The following RSRC1 variants were observed in gnomAD, a reference collection of about 807,000 sequenced individuals.
RSRC1 encodes the protein arginine and serine rich coiled-coil 1.
In RSRC1, 39 loss-of-function variants were observed where a neutral mutation model predicts 49.1. That is an observed-to-expected ratio of 0.79 (90% CI 0.61 to 1.04). The LOEUF (loss-of-function observed/expected upper bound fraction) is 1.04. Among genes scored for constraint, RSRC1 ranks in the 50% least tolerant of loss-of-function variants. RSRC1 has a pLI of 0.00. For synonymous variants in RSRC1, 143 were observed against 130.8 expected, an observed-to-expected ratio of 1.09 and a Z score of -0.63; for missense variants, 388 against 402.4, an observed-to-expected ratio of 0.96 and a Z score of 0.31.
chr3:158,325,504 G>A (rs1208218808), intron 5 of RSRC1, among the ~76,000 whole-genome samples: 2 of 152,098 alleles, frequency 1.3e-5, no homozygotes, highest in Non-Finnish European at 2.9e-5. Context: ...CTCATTGCTT[G>A]TTTTTGTCAG....
chr3:158,112,373 T>G (rs1388025828), intron 1 of RSRC1, among the ~76,000 whole-genome samples: 4 of 152,208 alleles, frequency 2.6e-5, no homozygotes, highest in African/African-American at 9.6e-5. Flanking sequence ...ATTATGGAAA[T>G]CCAGGGGTAA....
chr3:158,167,793 C>T (rs535575019), intron 3 of RSRC1, among the ~76,000 whole-genome samples: 15 of 152,246 alleles, frequency 9.9e-5, no homozygotes, highest in South Asian at 2.1e-4. Context: ...CTCTAGGATT[C>T]CTGTGTACTT....
chr3:158,295,401 A>C (rs1727180473), intron 4 of RSRC1, among the ~76,000 whole-genome samples: 1 of 152,170 alleles, frequency 6.6e-6, no homozygotes, highest in Non-Finnish European at 1.5e-5. Flanking sequence ...GATACTGTAG[A>C]TTTTAAGAAG....
chr3:158,344,053 G>C (rs1730409283), intron 5 of RSRC1, among the ~76,000 whole-genome samples: 1 of 152,130 alleles, frequency 6.6e-6, no homozygotes, highest in Non-Finnish European at 1.5e-5. Flanking sequence ...GAGATGGGTA[G>C]ATCACTTGAG....
At chr3:158,543,516 G>T (rs965161216) in intron 9 of RSRC1, 29 bp downstream of exon 9, 3 of 1,577,824 alleles carry the variant, frequency 1.9e-6, no homozygotes, top group South Asian at 2.4e-5. Flanking sequence ...ACGAATGTCA[G>T]TTGAAGTCTA....
At chr3:158,428,405 G>A (rs1362365466) in intron 6 of RSRC1, among the ~76,000 whole-genome samples, 4 of 151,824 alleles carry the variant, frequency 2.6e-5, no homozygotes, top group African/African-American at 9.7e-5. Flanking sequence ...GAGCAGAACC[G>A]TTCTGGAGCT....
At chr3:158,147,986 T>C (rs1473513141) in intron 3 of RSRC1, among the ~76,000 whole-genome samples, 1 of 152,212 alleles carries the variant, frequency 6.6e-6, no homozygotes, top group Non-Finnish European at 1.5e-5. Flanking sequence ...TCTAAACTCT[T>C]ATTCTTAATT....
chr3:158,510,910 G>C (rs1740130330), intron 7 of RSRC1, among the ~76,000 whole-genome samples: 1 of 152,074 alleles, frequency 6.6e-6, no homozygotes, highest in Non-Finnish European at 1.5e-5. Flanking sequence ...TAAATAAATT[G>C]ACCAACTACA....
At chr3:158,394,880 A>C (rs566342343) in intron 6 of RSRC1, among the ~76,000 whole-genome samples, 1 of 152,248 alleles carries the variant, frequency 6.6e-6, no homozygotes, top group South Asian at 2.1e-4. Context: ...AAATAGCCAA[A>C]GCAATCCTAA....
chr3:158,145,648 G>C (rs1417221107), intron 3 of RSRC1, among the ~76,000 whole-genome samples: 1 of 152,142 alleles, frequency 6.6e-6, no homozygotes, highest in Non-Finnish European at 1.5e-5. Flanking sequence ...CTTTAAAGTA[G>C]TTTTTTTCAA....
intron 4 of RSRC1, among the ~76,000 whole-genome samples, chr3:158,283,288 T>A (rs1379688103): frequency 2.0e-5 from 3 of 151,634 alleles, no homozygotes; most frequent in Non-Finnish European, 4.4e-5. Context: ...GCTGTGAGGA[T>A]TTTTTTAAAA....
intron 7 of RSRC1, among the ~76,000 whole-genome samples, chr3:158,518,169 A>C (rs1388450161): frequency 1.0e-4 from 2 of 19,946 alleles, no homozygotes; most frequent in South Asian, 1.6e-3. Flanking sequence ...TTTTTTTTTT[A>C]CTCCCATACC....
At chr3:158,116,838 T>C (rs891475582) in intron 1 of RSRC1, among the ~76,000 whole-genome samples, 1 of 152,152 alleles carries the variant, frequency 6.6e-6, no homozygotes, top group African/African-American at 2.4e-5. Flanking sequence ...TTTTTTTTTC[T>C]TGTTTATTGA....
chr3:158,221,863 A>G (rs747277070), intron 4 of RSRC1, among the ~76,000 whole-genome samples: 1 of 151,540 alleles, frequency 6.6e-6, no homozygotes, highest in Non-Finnish European at 1.5e-5. Flanking sequence ...TTTATTATAG[A>G]AATATTGAAA....
At chr3:158,473,216 A>G (rs1227725852) in intron 7 of RSRC1, among the ~76,000 whole-genome samples, 1 of 152,206 alleles carries the variant, frequency 6.6e-6, no homozygotes, top group South Asian at 2.1e-4. Flanking sequence ...ATGCACACGT[A>G]TGTTTATCGC....
intron 4 of RSRC1, among the ~76,000 whole-genome samples, chr3:158,275,379 C>T (rs146784408): frequency 1.1e-4 from 17 of 152,154 alleles, no homozygotes; most frequent in African/African-American, 2.9e-4. Context: ...ATTTTTAAAG[C>T]GAAGCCCAAT....
At chr3:158,434,054 CTATT>C (rs1453131500) in intron 6 of RSRC1, among the ~76,000 whole-genome samples, 1 of 151,898 alleles carries the variant, frequency 6.6e-6, no homozygotes, top group Non-Finnish European at 1.5e-5. Context: ...TCTTAGTTGA[CTATT>C]TAAGAAATAG....
At chr3:158,175,487 T>C (rs1418177114) in intron 3 of RSRC1, among the ~76,000 whole-genome samples, 3 of 152,088 alleles carry the variant, frequency 2.0e-5, no homozygotes, top group African/African-American at 7.2e-5. Flanking sequence ...GGTATGATTT[T>C]TTTTTGATGT....
chr3:158,116,927 G>C (rs902249753), intron 1 of RSRC1, among the ~76,000 whole-genome samples: 2 of 152,044 alleles, frequency 1.3e-5, no homozygotes, highest in Non-Finnish European at 2.9e-5. Flanking sequence ...AATCTGGGTT[G>C]TCTGTTGTGA....
Sources: gnomAD v4.1 joint callset for allele counts (sites outside exome capture counted in the v4.1 genomes callset) on GRCh38, gnomAD v4.1.1 for gene constraint, MANE v1.5 for transcripts, NCBI Gene and HGNC (gene_info 2026-07-23, HGNC 2026-07-21) for gene names.